The following IL1RAPL1 variants were observed in gnomAD, a reference collection of about 807,000 sequenced individuals.
The protein encoded by IL1RAPL1 is interleukin-1 receptor accessory protein-like 1.
IL1RAPL1 carries 3 observed loss-of-function variants against 48.4 expected under a neutral mutation model. The observed-to-expected ratio is 0.06, with a 90% CI of 0.03 to 0.16. IL1RAPL1 has a LOEUF of 0.16. Ranked by LOEUF, IL1RAPL1 falls within the 10% of genes least tolerant of loss-of-function variation. IL1RAPL1 has a pLI of 1.00. For synonymous variants in IL1RAPL1, 185 were observed against 187.7 expected, an observed-to-expected ratio of 0.99 and a Z score of 0.12; for missense variants, 349 against 530.6, an observed-to-expected ratio of 0.66 and a Z score of 3.36.
At chrX:29,342,100 C>T (rs965219268) in intron 3 of IL1RAPL1, among the ~76,000 whole-genome samples, 6 of 103,721 alleles carry the variant, frequency 5.8e-5, no homozygotes, top group Non-Finnish European at 9.9e-5. Flanking sequence ...AGCCACTGCA[C>T]ACGGCCTTGT....
chrX:29,632,743 G>A (rs749481055), intron 5 of IL1RAPL1, among the ~76,000 whole-genome samples: 2 of 110,946 alleles, frequency 1.8e-5, no homozygotes, highest in Non-Finnish European at 3.8e-5. Flanking sequence ...GAGTAGAAAG[G>A]AATCATGTCA....
chrX:28,789,498 A>G (rs1936511324), intron 2 of IL1RAPL1, 73 bp downstream of exon 2: 3 of 753,954 alleles, frequency 4.0e-6, no homozygotes, highest in South Asian at 2.1e-5. Flanking sequence ...CACATGTGCC[A>G]TTAGTGGAAA....
chrX:29,124,276 A>G (rs1427940991), intron 2 of IL1RAPL1, among the ~76,000 whole-genome samples: 1 of 112,447 alleles, frequency 8.9e-6, no homozygotes, highest in Non-Finnish European at 1.9e-5. Context: ...AAAGAGGGGC[A>G]TAGAAGGTAC....
At chrX:29,906,322 G>A (rs1256955725) in intron 6 of IL1RAPL1, among the ~76,000 whole-genome samples, 5 of 92,298 alleles carry the variant, frequency 5.4e-5, no homozygotes, top group African/African-American at 1.8e-4. Flanking sequence ...GTGATAGAGC[G>A]AGACTCTGTC....
At chrX:29,023,747 A>G (rs1188106266) in intron 2 of IL1RAPL1, among the ~76,000 whole-genome samples, 3 of 112,140 alleles carry the variant, frequency 2.7e-5, no homozygotes, top group African/African-American at 9.7e-5. Context: ...TGGGGAATCT[A>G]TGGCTTATCT....
chrX:28,812,810 A>C (rs1197229009), intron 2 of IL1RAPL1, among the ~76,000 whole-genome samples: 4 of 110,634 alleles, frequency 3.6e-5, no homozygotes, highest in African/African-American at 1.3e-4. Flanking sequence ...TATCATGAAA[A>C]TCTCTGTTAA....
intron 9 of IL1RAPL1, among the ~76,000 whole-genome samples, chrX:29,950,778 G>A (rs1328699418): frequency 1.9e-5 from 2 of 107,574 alleles, no homozygotes; most frequent in Non-Finnish European, 3.8e-5. Flanking sequence ...CCGGGTTCAC[G>A]CCATTCTCCT....
intron 2 of IL1RAPL1, among the ~76,000 whole-genome samples, chrX:29,197,657 G>T (rs763989261): frequency 2.7e-5 from 3 of 110,807 alleles, no homozygotes; most frequent in Non-Finnish European, 5.7e-5. Context: ...AAGTTTACTG[G>T]GTATCAGCAT....
intron 5 of IL1RAPL1, among the ~76,000 whole-genome samples, chrX:29,434,938 T>C (rs1201256430): frequency 9.0e-6 from 1 of 110,791 alleles, no homozygotes; most frequent in East Asian, 2.8e-4. Context: ...TTTCCATTAC[T>C]CCAAAAATAA....
At chrX:28,664,479 T>C (rs1192601099) in intron 1 of IL1RAPL1, among the ~76,000 whole-genome samples, 1 of 112,006 alleles carries the variant, frequency 8.9e-6, no homozygotes, top group Non-Finnish European at 1.9e-5. Context: ...TTGGCTTGCA[T>C]TGGTGACATG....
chrX:29,709,624 C>T (rs145595111), intron 6 of IL1RAPL1, among the ~76,000 whole-genome samples: 3,172 of 110,903 alleles, frequency 0.029, 106 homozygotes, highest in African/African-American at 0.099. Context: ...GGTCTTTTTG[C>T]TCATGTTTGC....
At chrX:28,861,059 G>A (rs1921931488) in intron 2 of IL1RAPL1, among the ~76,000 whole-genome samples, 2 of 110,308 alleles carry the variant, frequency 1.8e-5, no homozygotes, top group African/African-American at 6.6e-5. Context: ...TAATACTACT[G>A]AAAAAATAGA....
chrX:29,683,518 C>G (rs1926524855), intron 6 of IL1RAPL1, among the ~76,000 whole-genome samples: 1 of 112,269 alleles, frequency 8.9e-6, no homozygotes, highest in Non-Finnish European at 1.9e-5. Flanking sequence ...CTCATTTCAT[C>G]TTTTCAACAG....
intron 2 of IL1RAPL1, among the ~76,000 whole-genome samples, chrX:29,092,552 A>T (rs1376061945): frequency 8.9e-6 from 1 of 112,203 alleles, no homozygotes; most frequent in Non-Finnish European, 1.9e-5. Flanking sequence ...TATCACTTTC[A>T]TAAATGAAAA....
chrX:29,480,308 A>ATG (rs1569320519), intron 5 of IL1RAPL1, among the ~76,000 whole-genome samples: 1 of 101,152 alleles, frequency 9.9e-6, no homozygotes, highest in African/African-American at 3.7e-5. Context: ...ATATATATAT[A>ATG]TATATATATG....
chrX:29,045,772 T>C (rs917446469), intron 2 of IL1RAPL1, among the ~76,000 whole-genome samples: 5 of 112,114 alleles, frequency 4.5e-5, no homozygotes, highest in African/African-American at 1.3e-4. Flanking sequence ...AGTTTTTTGT[T>C]GTTGTTGTTT....
chrX:29,066,509 T>G (rs1927453767), intron 2 of IL1RAPL1, among the ~76,000 whole-genome samples: 1 of 112,376 alleles, frequency 8.9e-6, no homozygotes, highest in Non-Finnish European at 1.9e-5. Context: ...CAAGCCCCTT[T>G]GGAAGCCAAT....
chrX:28,683,808 C>T (rs1935085306), intron 1 of IL1RAPL1, among the ~76,000 whole-genome samples: 2 of 112,149 alleles, frequency 1.8e-5, no homozygotes, highest in South Asian at 7.5e-4. Context: ...TTCTGGGGCC[C>T]TTCTGTCTTC....
At chrX:29,504,694 C>T (rs1935309799) in intron 5 of IL1RAPL1, among the ~76,000 whole-genome samples, 1 of 111,984 alleles carries the variant, frequency 8.9e-6, no homozygotes, top group Non-Finnish European at 1.9e-5. Flanking sequence ...AATATCTTTT[C>T]CCAACACTTC....
Sources: allele counts gnomAD v4.1 joint callset (sites outside exome capture counted in the v4.1 genomes callset), GRCh38; gene constraint gnomAD v4.1.1; transcripts MANE v1.5; gene names NCBI Gene and HGNC (gene_info 2026-07-23, HGNC 2026-07-21).